Variants in PRR16 observed in about 807,000 individuals in gnomAD.
PRR16 encodes the protein proline rich 16, also known as protein Largen.
PRR16 carries 6 observed loss-of-function variants against 18.2 expected under a neutral mutation model. The observed-to-expected ratio is 0.33, with a 90% CI of 0.18 to 0.65. The LOEUF is 0.65. Ranked by LOEUF, PRR16 falls within the 30% of genes least tolerant of loss-of-function variation. The pLI is 0.74. For missense variants in PRR16, 412 were observed against 376.6 expected, an observed-to-expected ratio of 1.09 and a Z score of -0.78; for synonymous variants, 151 against 147.8, an observed-to-expected ratio of 1.02 and a Z score of -0.16.
At chr5:120,734,484 G>GT in the PRR16 span, among the ~76,000 whole-genome samples, 1 of 152,130 alleles carries the variant, frequency 6.6e-6, no homozygotes, top group Admixed American at 6.5e-5. Context: ...ATGTTATTTA[G>GT]TTTTTATTTT....
At chr5:120,751,190 C>T in the PRR16 span, among the ~76,000 whole-genome samples, 39 of 152,146 alleles carry the variant, frequency 2.6e-4, no homozygotes, top group African/African-American at 6.5e-4. Context: ...ATTCATTGAT[C>T]GATGGGCACT....
Position 120,686,519 on chromosome 5 carries a change from G to A in PRR16, c.725G>A (p.Gly242Glu), listed in dbSNP as rs753898007. Residue 242 changes from glycine to glutamate, a missense_variant, in exon 2 of 2, where the codon GGA becomes GAA. Gly to Glu is a moderately conservative substitution (Grantham distance 98). Coordinates refer to ENST00000407149, the MANE Select transcript of PRR16 (RefSeq NM_001300783.2). ...HLHSEPVHPP[G>E]KIPHQGPPLP... The stretch of plus-strand genomic sequence containing the variant: ...CACAGTGAACCTGTCCACCCACCGG[G>A]AAAGATTCCTCACCAAGGCCCTCCC... 6.2e-7 allele frequency: 1 copy of A among 1,613,800 alleles called. No homozygotes were observed. Among genetic ancestry groups the A allele is most frequent in the Non-Finnish European group, 8.5e-7 (1 of 1,179,898 alleles).
the PRR16 span, among the ~76,000 whole-genome samples, chr5:120,774,464 C>G: frequency 6.6e-6 from 1 of 152,094 alleles, no homozygotes; most frequent in Non-Finnish European, 1.5e-5. Flanking sequence ...TAAGACCTCT[C>G]AAACGGGGGC....
chr5:120,610,697 C>A (rs1316677354), intron 1 of PRR16, among the ~76,000 whole-genome samples: 1 of 152,084 alleles, frequency 6.6e-6, no homozygotes, highest in Non-Finnish European at 1.5e-5. Flanking sequence ...CTGAGGCCTC[C>A]CCAGATATGT....
chr5:120,490,164 C>T (rs888811240), intron 1 of PRR16, among the ~76,000 whole-genome samples: 9 of 152,000 alleles, frequency 5.9e-5, no homozygotes, highest in Non-Finnish European at 7.4e-5. Context: ...ATCTTTGTGG[C>T]GTTCTCTGTA....
chr5:120,793,345 A>G, the PRR16 span, among the ~76,000 whole-genome samples: 1 of 152,122 alleles, frequency 6.6e-6, no homozygotes, highest in African/African-American at 2.4e-5. Context: ...GAAAAAAATA[A>G]AATAAAAAGA....
chr5:120,733,918 T>G, the PRR16 span, among the ~76,000 whole-genome samples: 1 of 152,256 alleles, frequency 6.6e-6, no homozygotes. Flanking sequence ...TAAAACATAC[T>G]TAAAAGTTAC....
intron 1 of PRR16, among the ~76,000 whole-genome samples, chr5:120,468,152 G>C (rs1223565673): frequency 2.6e-5 from 4 of 152,112 alleles, no homozygotes; most frequent in Non-Finnish European, 5.9e-5. Flanking sequence ...ATACTTAGTA[G>C]TATGGCAAGT....
chr5:120,759,305 T>C, the PRR16 span, among the ~76,000 whole-genome samples: 11 of 152,204 alleles, frequency 7.2e-5, no homozygotes, highest in African/African-American at 2.6e-4. Context: ...ATTTCCCTTA[T>C]GATATACATT....
At chr5:120,749,911 G>A in the PRR16 span, among the ~76,000 whole-genome samples, 3 of 152,040 alleles carry the variant, frequency 2.0e-5, no homozygotes, top group Non-Finnish European at 2.9e-5. Context: ...TAGATTTATA[G>A]AGACTCTTTG....
At chr5:120,677,324 G>A (rs1447434984) in intron 1 of PRR16, among the ~76,000 whole-genome samples, 2 of 152,118 alleles carry the variant, frequency 1.3e-5, no homozygotes, top group African/African-American at 2.4e-5. Context: ...CCTCTGTTAG[G>A]CTTATATGAG....
the PRR16 span, among the ~76,000 whole-genome samples, chr5:120,770,241 G>GACAA: frequency 1.4e-5 from 2 of 138,966 alleles, no homozygotes; most frequent in African/African-American, 5.1e-5. Flanking sequence ...CTGACATAAA[G>GACAA]ACAAACACAT....
chr5:120,631,499 A>G (rs756767815), intron 1 of PRR16, among the ~76,000 whole-genome samples: 1 of 152,116 alleles, frequency 6.6e-6, no homozygotes, highest in Non-Finnish European at 1.5e-5. Flanking sequence ...TGGGGGCACA[A>G]TGGGACTGGA....
intron 1 of PRR16, among the ~76,000 whole-genome samples, chr5:120,683,019 G>C (rs540110704): frequency 1.2e-4 from 19 of 152,244 alleles, no homozygotes; most frequent in African/African-American, 4.6e-4. Flanking sequence ...AGCATTTCAA[G>C]AAGAAATAAT....
chr5:120,761,270 C>A, the PRR16 span, among the ~76,000 whole-genome samples: 1 of 151,932 alleles, frequency 6.6e-6, no homozygotes, highest in Non-Finnish European at 1.5e-5. Context: ...TTAACTCATA[C>A]ATTTCTCATG....
At chr5:120,493,675 C>T (rs1244545501) in intron 1 of PRR16, among the ~76,000 whole-genome samples, 1 of 152,112 alleles carries the variant, frequency 6.6e-6, no homozygotes, top group Non-Finnish European at 1.5e-5. Flanking sequence ...TACAGCTATA[C>T]CCACTTCTCT....
chr5:120,627,011 G>T (rs1754888822), intron 1 of PRR16, among the ~76,000 whole-genome samples: 2 of 152,218 alleles, frequency 1.3e-5, no homozygotes, highest in African/African-American at 4.8e-5. Flanking sequence ...AGGAAGAGCT[G>T]CAAAGCTTAA....
chr5:120,756,130 ATGAAG>A, the PRR16 span, among the ~76,000 whole-genome samples: 24 of 152,086 alleles, frequency 1.6e-4, no homozygotes, highest in Non-Finnish European at 2.1e-4. Context: ...CAATCAGAGA[ATGAAG>A]TGAAGTTACA....
intron 1 of PRR16, among the ~76,000 whole-genome samples, chr5:120,545,338 G>A (rs1484083315): frequency 2.0e-5 from 3 of 151,950 alleles, no homozygotes; most frequent in Non-Finnish European, 4.4e-5. Context: ...ATTATTACTA[G>A]ACACTTTATT....
Sources: allele counts gnomAD v4.1 joint callset (sites outside exome capture counted in the v4.1 genomes callset), GRCh38; gene constraint gnomAD v4.1.1; transcripts MANE v1.5; gene names NCBI Gene and HGNC (gene_info 2026-07-23, HGNC 2026-07-21).